Variants in PRKCE observed in about 807,000 individuals in gnomAD.
The protein encoded by PRKCE is protein kinase C epsilon.
A neutral mutation model predicts 85.4 loss-of-function variants in PRKCE; 16 were observed. The observed-to-expected ratio is 0.19, with a 90% CI of 0.13 to 0.28. PRKCE has a LOEUF of 0.28. Among genes scored for constraint, PRKCE ranks in the 10% least tolerant of loss-of-function variants. The pLI is 1.00. For missense variants in PRKCE, 573 were observed against 975.2 expected, an observed-to-expected ratio of 0.59 and a Z score of 5.49; for synonymous variants, 388 against 371.5, an observed-to-expected ratio of 1.04 and a Z score of -0.51.
chr2:45,772,507 A>G (rs1197539651), intron 1 of PRKCE, among the ~76,000 whole-genome samples: 1 of 152,142 alleles, frequency 6.6e-6, no homozygotes, highest in Non-Finnish European at 1.5e-5. Context: ...TTGCCATGAT[A>G]TTCATTGATC....
At chr2:45,870,385 T>C (rs1693995941) in intron 2 of PRKCE, among the ~76,000 whole-genome samples, 1 of 152,206 alleles carries the variant, frequency 6.6e-6, no homozygotes, top group South Asian at 2.1e-4. Flanking sequence ...TTTGTGTGCA[T>C]GTTCGAGATG....
intron 11 of PRKCE, among the ~76,000 whole-genome samples, chr2:46,112,222 T>G (rs2104236331): frequency 6.6e-6 from 1 of 152,332 alleles, no homozygotes; most frequent in Middle Eastern, 3.4e-3. Flanking sequence ...AGCTTTCTTT[T>G]CATTAACATT....
chr2:46,044,382 G>A (rs936589089), intron 10 of PRKCE, among the ~76,000 whole-genome samples: 2 of 152,222 alleles, frequency 1.3e-5, no homozygotes, highest in African/African-American at 4.8e-5. Flanking sequence ...AGGAATTAGT[G>A]AGAAGACTAG....
At chr2:46,046,184 G>A (rs1708511795) in intron 10 of PRKCE, among the ~76,000 whole-genome samples, 2 of 152,238 alleles carry the variant, frequency 1.3e-5, no homozygotes, top group Admixed American at 1.3e-4. Context: ...AGAACCATAA[G>A]AGCAGACCTG....
chr2:45,673,806 C>T (rs1676289797), intron 1 of PRKCE, among the ~76,000 whole-genome samples: 1 of 152,168 alleles, frequency 6.6e-6, no homozygotes, highest in Non-Finnish European at 1.5e-5. Flanking sequence ...GGAGTTCATC[C>T]TTGTTCTGTC....
At chr2:46,028,744 G>A (rs901524127) in intron 10 of PRKCE, among the ~76,000 whole-genome samples, 2 of 152,192 alleles carry the variant, frequency 1.3e-5, no homozygotes, top group African/African-American at 4.8e-5. Context: ...GGGGCTTATT[G>A]TACAGATTAT....
At chr2:45,795,369 C>T (rs1258841468) in intron 1 of PRKCE, among the ~76,000 whole-genome samples, 3 of 152,048 alleles carry the variant, frequency 2.0e-5, no homozygotes, top group African/African-American at 7.2e-5. Context: ...AGTGCAGTGG[C>T]GTGATCTCAG....
intron 2 of PRKCE, among the ~76,000 whole-genome samples, chr2:45,860,257 T>C (rs1351075707): frequency 6.6e-6 from 1 of 152,248 alleles, no homozygotes; most frequent in Non-Finnish European, 1.5e-5. Flanking sequence ...CATGTTATCA[T>C]TGCCACGTAA....
chr2:45,735,682 C>A (rs1681996146), intron 1 of PRKCE, among the ~76,000 whole-genome samples: 1 of 152,068 alleles, frequency 6.6e-6, no homozygotes, highest in Non-Finnish European at 1.5e-5. Flanking sequence ...GTTGGAGGAA[C>A]CAAAGAGAAA....
At chr2:45,720,504 G>T (rs1457358002) in intron 1 of PRKCE, among the ~76,000 whole-genome samples, 1 of 152,036 alleles carries the variant, frequency 6.6e-6, no homozygotes, top group African/African-American at 2.4e-5. Context: ...GTGACATTTG[G>T]GTAGGGAGTC....
chr2:45,847,354 A>G (rs1184433759), intron 2 of PRKCE, among the ~76,000 whole-genome samples: 1 of 152,250 alleles, frequency 6.6e-6, no homozygotes, highest in Non-Finnish European at 1.5e-5. Flanking sequence ...AAATATTTGA[A>G]GACAGTTTTT....
At chr2:46,177,364 T>C (rs991457512) in intron 14 of PRKCE, among the ~76,000 whole-genome samples, 2 of 152,260 alleles carry the variant, frequency 1.3e-5, no homozygotes, top group Non-Finnish European at 2.9e-5. Context: ...GGGTGGCTTA[T>C]CTAACAACAG....
rs570425019 is a variant in PRKCE, at chr2:45,943,330, G to A, written c.413-33099G>A. On this transcript the variant is annotated intron_variant, in intron 2 of 14. Transcript: ENST00000306156. ...GTCTATGAAAGTTTAGAACCATAGC[G>A]TCTAAGCCAGCACATAGGAGTTGCA... 1.3e-4 allele frequency among the ~76,000 whole-genome samples: 20 copies of A among 152,306 alleles called. No homozygotes were observed. In the South Asian group the frequency reaches 1.9e-3, roughly 14 times the overall value.
At chr2:45,708,222 T>G (rs1294232627) in intron 1 of PRKCE, among the ~76,000 whole-genome samples, 1 of 152,194 alleles carries the variant, frequency 6.6e-6, no homozygotes, top group Admixed American at 6.5e-5. Flanking sequence ...AATCATCAAG[T>G]GCCACAGAAC....
chr2:46,170,154 C>G (rs1243893779), intron 14 of PRKCE, among the ~76,000 whole-genome samples: 1 of 152,180 alleles, frequency 6.6e-6, no homozygotes, highest in Non-Finnish European at 1.5e-5. Context: ...ATGTGACCAC[C>G]AGCACAATAA....
chr2:45,948,840 A>T (rs999435840), intron 2 of PRKCE, among the ~76,000 whole-genome samples: 1 of 152,192 alleles, frequency 6.6e-6, no homozygotes, highest in East Asian at 1.9e-4. Flanking sequence ...TGTGAATTTT[A>T]CTTTATATAA....
At chr2:45,898,079 C>A (rs1041014543) in intron 2 of PRKCE, among the ~76,000 whole-genome samples, 5 of 152,194 alleles carry the variant, frequency 3.3e-5, no homozygotes, top group African/African-American at 1.2e-4. Context: ...CTTTTGCAGG[C>A]CCCTCGTGAT....
intron 11 of PRKCE, among the ~76,000 whole-genome samples, chr2:46,100,179 A>G (rs539942058): frequency 6.6e-6 from 1 of 152,320 alleles, no homozygotes; most frequent in South Asian, 2.1e-4. Context: ...GTGAGGCTCC[A>G]GAAGGTAACT....
intron 14 of PRKCE, among the ~76,000 whole-genome samples, chr2:46,175,917 C>T (rs1290429523): frequency 6.6e-6 from 1 of 151,724 alleles, no homozygotes; most frequent in African/African-American, 2.4e-5. Flanking sequence ...AGAAAGAGAC[C>T]CACGGCCTTT....
Sources: allele counts gnomAD v4.1 joint callset (sites outside exome capture counted in the v4.1 genomes callset), GRCh38; gene constraint gnomAD v4.1.1; transcripts MANE v1.5; gene names NCBI Gene and HGNC (gene_info 2026-07-23, HGNC 2026-07-21).